Variants in ANK2 observed in about 807,000 individuals in gnomAD.
ANK2 encodes the protein ankyrin-2.
A neutral mutation model predicts 360.5 loss-of-function variants in ANK2; 83 were observed. That is an observed-to-expected ratio of 0.23 (90% CI 0.19 to 0.28). The LOEUF (loss-of-function observed/expected upper bound fraction) is 0.28. Among genes scored for constraint, ANK2 ranks in the 10% least tolerant of loss-of-function variants. The pLI is 1.00. For synonymous variants in ANK2, 1,740 were observed against 1,759.5 expected (o/e 0.99, Z 0.28); for missense variants, 4,201 against 4,795.7 (o/e 0.88, Z 3.66).
At chr4:113,090,731 G>A (rs1032428183) in intron 1 of ANK2, among the ~76,000 whole-genome samples, 3 of 152,140 alleles carry the variant, frequency 2.0e-5, no homozygotes, top group Non-Finnish European at 4.4e-5. Context: ...TTCTAGCTTC[G>A]TGATAAAAGT....
At chr4:112,937,766 A>G (rs2093877254) in intron 2 of ANK2, among the ~76,000 whole-genome samples, 2 of 152,180 alleles carry the variant, frequency 1.3e-5, no homozygotes, top group South Asian at 2.1e-4. Flanking sequence ...TCTATTGGCT[A>G]TGATGTTTTC....
At chr4:113,026,485 A>G (rs1206791489) in intron 2 of ANK2, among the ~76,000 whole-genome samples, 2 of 152,194 alleles carry the variant, frequency 1.3e-5, no homozygotes, top group African/African-American at 4.8e-5. Flanking sequence ...TCAACAAAGC[A>G]TTTTAACTGG....
intron 2 of ANK2, among the ~76,000 whole-genome samples, chr4:112,990,930 A>G (rs535448304): frequency 6.6e-6 from 1 of 152,230 alleles, no homozygotes; most frequent in African/African-American, 2.4e-5. Flanking sequence ...TTAAATTACA[A>G]CCAAATTCAT....
intron 2 of ANK2, among the ~76,000 whole-genome samples, chr4:112,920,397 A>G (rs1159859023): frequency 1.3e-5 from 2 of 152,206 alleles, no homozygotes; most frequent in Non-Finnish European, 2.9e-5. Context: ...CTATAGCCAA[A>G]TAAAGTGTGT....
the ANK2 span, among the ~76,000 whole-genome samples, chr4:112,775,545 A>ACACACACACACAC: frequency 5.3e-5 from 8 of 150,924 alleles, no homozygotes; most frequent in South Asian, 2.1e-4. Flanking sequence ...ACACACACAC[A>ACACACACACACAC]AGAAAAAAAA....
At chr4:112,903,155 C>A (rs1056764106) in intron 1 of ANK2, among the ~76,000 whole-genome samples, 1 of 152,170 alleles carries the variant, frequency 6.6e-6, no homozygotes, top group Non-Finnish European at 1.5e-5. Context: ...GTATTGGGCC[C>A]CACTTCCAGT....
chr4:113,124,813 A>T (rs2154373849), intron 1 of ANK2, among the ~76,000 whole-genome samples: 1 of 152,252 alleles, frequency 6.6e-6, no homozygotes, highest in Non-Finnish European at 1.5e-5. Flanking sequence ...CTCAACAGAA[A>T]ACAATGTAAG....
intron 2 of ANK2, among the ~76,000 whole-genome samples, chr4:113,042,748 A>G (rs2063292356): frequency 6.6e-6 from 1 of 152,132 alleles, no homozygotes; most frequent in African/African-American, 2.4e-5. Context: ...GGCATTCTCC[A>G]GTGCTGTTGT....
the ANK2 span, among the ~76,000 whole-genome samples, chr4:112,728,091 A>G: frequency 1.3e-5 from 2 of 151,858 alleles, no homozygotes; most frequent in Non-Finnish European, 2.9e-5. Context: ...TCAGGAGTTC[A>G]AGAGCAGCCT....
chr4:112,755,442 G>A, the ANK2 span, among the ~76,000 whole-genome samples: 3 of 152,208 alleles, frequency 2.0e-5, no homozygotes, highest in Admixed American at 6.5e-5. Flanking sequence ...GTCCGAAAAA[G>A]GAGTCAGCAA....
At chr4:112,706,137 C>T in the ANK2 span, among the ~76,000 whole-genome samples, 1 of 151,526 alleles carries the variant, frequency 6.6e-6, no homozygotes, top group Admixed American at 6.6e-5. Context: ...AACCCGGAGC[C>T]GCAGGAAGAT....
At chr4:113,099,030 C>T (rs1458156992) in intron 1 of ANK2, among the ~76,000 whole-genome samples, 1 of 151,868 alleles carries the variant, frequency 6.6e-6, no homozygotes, top group Non-Finnish European at 1.5e-5. Context: ...ATAACATCTA[C>T]AAAAGGCCTA....
intron 2 of ANK2, among the ~76,000 whole-genome samples, chr4:112,957,205 TGG>T (rs2095381137): frequency 6.6e-6 from 1 of 150,868 alleles, no homozygotes; most frequent in Non-Finnish European, 1.5e-5. Context: ...GATTAGGGAG[TGG>T]TGATGACTCT....
intron 1 of ANK2, chr4:113,173,908 G>A (rs984675331): frequency 2.4e-5 from 4 of 168,066 alleles, no homozygotes; most frequent in African/African-American, 9.6e-5. Flanking sequence ...CCCTTCTAAT[G>A]AGACCAGATG....
intron 1 of ANK2, among the ~76,000 whole-genome samples, chr4:113,056,482 C>T (rs1257209891): frequency 6.6e-6 from 1 of 152,120 alleles, no homozygotes; most frequent in Non-Finnish European, 1.5e-5. Flanking sequence ...TTCTGTCTTG[C>T]TTGTACTCTG....
the ANK2 span, among the ~76,000 whole-genome samples, chr4:112,800,240 C>G: frequency 9.8e-5 from 15 of 152,300 alleles, no homozygotes; most frequent in South Asian, 3.1e-3. Context: ...ATTAAAGTAT[C>G]CTTTAAAAAC....
chr4:113,151,996 G>A (rs2097106858), intron 1 of ANK2, among the ~76,000 whole-genome samples: 1 of 143,712 alleles, frequency 7.0e-6, no homozygotes, highest in African/African-American at 2.6e-5. Flanking sequence ...AGCCTAGGAG[G>A]TGGAGATTGC....
intron 24 of ANK2, among the ~76,000 whole-genome samples, chr4:113,314,478 A>C (rs1199730118): frequency 6.6e-6 from 1 of 152,198 alleles, no homozygotes; most frequent in African/African-American, 2.4e-5. Context: ...CCCCTAGTAC[A>C]TCCCCTAGAT....
the ANK2 span, among the ~76,000 whole-genome samples, chr4:112,810,145 ATATATATATATATATTTTT>A: frequency 4.2e-4 from 24 of 56,686 alleles, no homozygotes; most frequent in Non-Finnish European, 6.2e-4. Flanking sequence ...ATATATATAT[ATATATATATATATATTTTT>A]TTTTTTTTTT....
Sources: allele counts gnomAD v4.1 joint callset (sites outside exome capture counted in the v4.1 genomes callset), GRCh38; gene constraint gnomAD v4.1.1; transcripts MANE v1.5; gene names NCBI Gene and HGNC (gene_info 2026-07-23, HGNC 2026-07-21).